SUCO: variants seen among roughly 807,000 people sequenced by gnomAD.
The protein encoded by SUCO is SUN domain containing ossification factor.
In SUCO, 57 loss-of-function variants were observed where a neutral mutation model predicts 148.1. The observed-to-expected ratio is 0.38, with a 90% CI of 0.31 to 0.48. SUCO has a LOEUF of 0.48. Ranked by LOEUF, SUCO falls within the 20% of genes least tolerant of loss-of-function variation. The pLI, the probability that SUCO is intolerant of heterozygous loss-of-function variation, is 0.96. For synonymous variants in SUCO, 470 were observed against 502.7 expected (o/e 0.93, Z 0.87); for missense variants, 1,331 against 1,468.2 (o/e 0.91, Z 1.53).
chr1:172,578,274 C>G (rs1571245244), intron 13 of SUCO, 24 bp from the exon 14 acceptor site: 1 of 1,528,590 alleles, frequency 6.5e-7, no homozygotes, highest in Non-Finnish European at 9.1e-7. Flanking sequence ...TTTTGGAAGT[C>G]TTTAATGAAA....
At position 172,589,352 on chromosome 1, in the gene SUCO, G is replaced by A; in HGVS notation, c.2251G>A (p.Glu751Lys). Residue 751 changes from glutamate to lysine, a missense_variant, in exon 18 of 24, where the codon GAG becomes AAG. Physicochemically the swap from Glu to Lys is moderately conservative, Grantham distance 56 (BLOSUM62 1). Transcript: ENST00000263688. ...TCCCTTGCCTAAAATAGAAGTATCT[G>A]AGTCTGTTGAATATGAGGCAGGACA... ...INPLPKIEVS[E>K]SVEYEAGHIP... 1 of 1,613,680 alleles carries A rather than the reference G, an allele frequency of 6.2e-7. No individual in the cohort carries two copies. The highest frequency in any genetic ancestry group is 8.5e-7 in the Non-Finnish European group (1 of 1,179,814).
At chr1:172,577,902 A>G in intron 13 of SUCO, 83 bp downstream of exon 13, 1 of 1,070,842 alleles carries the variant, frequency 9.3e-7, no homozygotes, top group Non-Finnish European at 1.3e-6. Flanking sequence ...TGAAGAAATA[A>G]TTTTCTCTTA....
chr1:172,532,808 T>C (rs775924183), upstream of SUCO: 2 of 1,599,478 alleles, frequency 1.3e-6, no homozygotes, highest in African/African-American at 1.4e-5. Context: ...GGCGGTCCAC[T>C]GTAAGGGGAA....
intron 6 of SUCO, among the ~76,000 whole-genome samples, chr1:172,558,384 C>G (rs1023548589): frequency 2.0e-5 from 3 of 152,130 alleles, no homozygotes; most frequent in Non-Finnish European, 2.9e-5. Context: ...AGTATCAACA[C>G]AGCAATTTAA....
At chr1:172,548,693 A>G (rs1653053378) in intron 1 of SUCO, among the ~76,000 whole-genome samples, 1 of 151,868 alleles carries the variant, frequency 6.6e-6, no homozygotes, top group Non-Finnish European at 1.5e-5. Flanking sequence ...TGTTATTTCA[A>G]ATTTTGTTGC....
intron 13 of SUCO, among the ~76,000 whole-genome samples, 186 bp downstream of exon 13, chr1:172,578,005 C>A (rs1376941562): frequency 1.4e-5 from 2 of 147,828 alleles, no homozygotes; most frequent in African/African-American, 2.5e-5. Context: ...AAAAAAAAAA[C>A]CTCATTTTGT....
At chr1:172,549,745 C>T (rs1461571857) in intron 1 of SUCO, among the ~76,000 whole-genome samples, 1 of 151,826 alleles carries the variant, frequency 6.6e-6, no homozygotes, top group South Asian at 2.1e-4. Context: ...CTCTTTTACC[C>T]TAATACTTAA....
Position 172,569,026 on chromosome 1 carries a change from A to G in SUCO, c.740A>G (p.Asp247Gly). The G allele has an allele frequency of 6.3e-7, 1 of 1,576,796 alleles. No homozygotes were observed. The highest frequency in any genetic ancestry group is 8.5e-7 in the Non-Finnish European group (1 of 1,169,658). Residue 247 changes from aspartate to glycine, a missense_variant, in exon 7 of 24, where the codon GAT becomes GGT. Asp to Gly is a moderately conservative substitution (Grantham distance 94). Around this residue, in one of 3 missense-constraint regions of SUCO, gnomAD observed 992 missense variants for 1,093.5 expected, o/e 0.91. Transcript: ENST00000263688. ...TTTTGGTGTTTCTTTCAGAGCTCTG[A>G]TTATACAAAACCAGGAGACATTGAC... ...ASDNLKNESS[D>G]YTKPGDIDPT...
intron 1 of SUCO, among the ~76,000 whole-genome samples, chr1:172,539,834 G>T (rs1364131193): frequency 6.6e-6 from 1 of 152,168 alleles, no homozygotes; most frequent in Non-Finnish European, 1.5e-5. Context: ...AATATTATTT[G>T]ATTATTCACA....
chr1:172,579,078 T>C, intron 14 of SUCO, 124 bp from the exon 15 acceptor site: 1 of 618,410 alleles, frequency 1.6e-6, no homozygotes, highest in South Asian at 1.9e-5. Flanking sequence ...AGATATATGA[T>C]TCATATTTAT....
chr1:172,561,028 T>C (rs1019472085), intron 6 of SUCO, among the ~76,000 whole-genome samples: 7 of 152,270 alleles, frequency 4.6e-5, no homozygotes, highest in Non-Finnish European at 2.9e-5. Flanking sequence ...CCAGACTAGA[T>C]AGTTGTTTTT....
chr1:172,533,032 A>T, upstream of SUCO: 2 of 1,432,434 alleles, frequency 1.4e-6, no homozygotes, highest in Non-Finnish European at 1.8e-6. Flanking sequence ...GTCCCTTTCC[A>T]GCTCAGCGGT....
Position 172,602,553 on chromosome 1 carries a change from C to G in SUCO, c.3174-143C>G, listed in dbSNP as rs560607032. 5.6e-5 allele frequency: 80 copies of G among 1,432,260 alleles called. No individual in the cohort carries two copies. The African/African-American group carries it at 1.1e-3, about 20-fold the overall frequency. 88.7% of individuals were successfully genotyped at this position (1,432,260 alleles called of 1,614,324 possible). ...AAGATCTCTAAATTTTTTTTTCCAC[C>G]TGTATTAGCAATAACTGGAGTGTTA... On this transcript the variant is annotated intron_variant, in intron 21 of 23. Coordinates refer to ENST00000263688, the MANE Select transcript of SUCO (RefSeq NM_014283.5).
chr1:172,572,617 T>C (rs1655116815), intron 9 of SUCO, among the ~76,000 whole-genome samples: 1 of 150,064 alleles, frequency 6.7e-6, no homozygotes, highest in Admixed American at 6.7e-5. Flanking sequence ...TTCATTTGTT[T>C]ATCTGCTGAC....
At chr1:172,562,555 C>A (rs1469034569) in intron 6 of SUCO, among the ~76,000 whole-genome samples, 3 of 152,148 alleles carry the variant, frequency 2.0e-5, no homozygotes, top group Non-Finnish European at 4.4e-5. Flanking sequence ...CCAGGATGGT[C>A]TTGATCTCTT....
At chr1:172,608,560 C>T (rs1658002537) in intron 22 of SUCO, 187 bp from the exon 23 acceptor site, 3 of 599,126 alleles carry the variant, frequency 5.0e-6, no homozygotes, top group Non-Finnish European at 8.9e-6. Flanking sequence ...TCATCTTCCA[C>T]CTTGCCTCTT....
intron 1 of SUCO, among the ~76,000 whole-genome samples, chr1:172,543,735 C>A (rs1652660341): frequency 6.6e-6 from 1 of 152,090 alleles, no homozygotes; most frequent in Non-Finnish European, 1.5e-5. Flanking sequence ...ATAGAACTTT[C>A]TCAGCTAAGC....
rs1320346230 is a variant in SUCO, at chr1:172,611,316, C to CT, written c.*1058dup. ...TAATACATATGTGATGTCGATGTCTCTGTCTTTTTTTTTGTCTTTAAAAAA... is the reference window on the plus strand; with the variant it reads ...TAATACATATGTGATGTCGATGTCTCTTGTCTTTTTTTTTGTCTTTAAAAAA... On this transcript the variant is annotated 3_prime_UTR_variant, in exon 24 of 24. Transcript: ENST00000263688. The CT allele has an allele frequency of 6.6e-6, 1 of 152,506 alleles. No individual in the cohort carries two copies. Among genetic ancestry groups the CT allele is most frequent in the Non-Finnish European group, 1.5e-5 (1 of 68,000 alleles). The allele number at this position is 152,506 out of a possible 1,614,324, so 9.4% of individuals were successfully genotyped here. A position where few individuals can be genotyped will look rare whatever the true frequency, so the allele number is the denominator to read the frequency against.
At chr1:172,547,451 A>G (rs574618180) in intron 1 of SUCO, among the ~76,000 whole-genome samples, 1 of 152,304 alleles carries the variant, frequency 6.6e-6, no homozygotes, top group South Asian at 2.1e-4. Flanking sequence ...ATGCTTTTCG[A>G]TACAATATCC....
Sources: allele counts gnomAD v4.1 joint callset (sites outside exome capture counted in the v4.1 genomes callset), GRCh38; gene constraint gnomAD v4.1.1; regional missense constraint gnomAD v4.1.1; transcripts MANE v1.5; gene names NCBI Gene and HGNC (gene_info 2026-07-23, HGNC 2026-07-21).